ENTPD3: variants seen among roughly 807,000 people sequenced by gnomAD.
ENTPD3 encodes CD39 antigen-like 3.
A neutral mutation model predicts 51.2 loss-of-function variants in ENTPD3; 60 were observed. That is an observed-to-expected ratio of 1.17 (90% confidence interval 0.95 to 1.45). The LOEUF (loss-of-function observed/expected upper bound fraction) is 1.45, where lower values mean the gene tolerates loss of function less well. ENTPD3 is among the 40% of genes most tolerant of loss of function. The pLI is 0.00. For missense variants in ENTPD3, 593 were observed against 641.1 expected, an observed-to-expected ratio of 0.93 and a Z score of 0.81; for synonymous variants, 221 against 238.4, an observed-to-expected ratio of 0.93 and a Z score of 0.67.
rs766190766 is a variant in ENTPD3, at chr3:40,423,876, C to A, written c.1266C>A (p.Cys422Ter). Residue 422 changes from cysteine (C) to a stop codon, truncating the protein, a stop_gained, in exon 10 of 11, where the codon TGC becomes TGA. Coordinates refer to ENST00000301825, the MANE Select transcript of ENTPD3 (RefSeq NM_001248.4). LOFTEE classifies it high-confidence loss of function. ...KFDEVYARSYCFSANYIYHLF... is the reference protein window; with the variant it reads ...KFDEVYARSY ...ATGAGGTATATGCCCGCTCTTACTG[C>A]TTCTCAGCCAACTACATCTACCACT... The A allele has an allele frequency of 6.2e-7, 1 of 1,614,154 alleles. No individual in the cohort carries two copies. Among genetic ancestry groups the A allele is most frequent in the Non-Finnish European group, 8.5e-7 (1 of 1,180,008 alleles).
intron 10 of ENTPD3, among the ~76,000 whole-genome samples, chr3:40,425,915 T>C (rs1268414924): frequency 6.9e-6 from 1 of 144,484 alleles, no homozygotes; most frequent in Admixed American, 6.9e-5. Context: ...AAAAAAAAAT[T>C]ATATTAAAAA....
intron 5 of ENTPD3, among the ~76,000 whole-genome samples, chr3:40,413,579 AACTG>A (rs1305069141): frequency 1.3e-5 from 2 of 152,206 alleles, no homozygotes; most frequent in Non-Finnish European, 2.9e-5. Context: ...GCTCTTAAGA[AACTG>A]ACTTTTTCTT....
At chr3:40,401,385 T>C (rs1955352718) in intron 4 of ENTPD3, among the ~76,000 whole-genome samples, 2 of 152,208 alleles carry the variant, frequency 1.3e-5, no homozygotes, top group African/African-American at 4.8e-5. Flanking sequence ...CATTTTCTTA[T>C]ACTGGTTCTG....
intron 4 of ENTPD3, among the ~76,000 whole-genome samples, chr3:40,411,015 G>T (rs921149929): frequency 6.6e-6 from 1 of 152,250 alleles, no homozygotes; most frequent in South Asian, 2.1e-4. Context: ...TTTTGGCAAG[G>T]CATGGTGGCT....
intron 4 of ENTPD3, among the ~76,000 whole-genome samples, chr3:40,405,599 C>A (rs1328463019): frequency 6.6e-6 from 1 of 152,118 alleles, no homozygotes; most frequent in African/African-American, 2.4e-5. Flanking sequence ...TTTGTGCCGT[C>A]TGTTTAACCC....
chr3:40,397,193 C>T (rs1191192355), intron 3 of ENTPD3, among the ~76,000 whole-genome samples: 2 of 148,282 alleles, frequency 1.3e-5, no homozygotes, highest in African/African-American at 2.5e-5. Flanking sequence ...GCCAGATCTG[C>T]ACACCCCTTA....
intron 10 of ENTPD3, among the ~76,000 whole-genome samples, chr3:40,426,747 G>T (rs1186693686): frequency 2.0e-5 from 3 of 152,208 alleles, no homozygotes; most frequent in African/African-American, 7.2e-5. Flanking sequence ...TCTAGACACA[G>T]AGGGTTACAA....
At chr3:40,403,458 T>A (rs1295440609) in intron 4 of ENTPD3, among the ~76,000 whole-genome samples, 3 of 152,208 alleles carry the variant, frequency 2.0e-5, no homozygotes, top group Non-Finnish European at 2.9e-5. Context: ...GTGGCTTGGC[T>A]GTAATACCCC....
At position 40,398,523 on chromosome 3, in the gene ENTPD3, C is replaced by A. The variant is rs188130526; in HGVS notation, c.169-2371C>A. Among the ~76,000 whole-genome samples the A allele has an allele frequency of 2.6e-5, 4 of 152,242 alleles. No homozygotes were observed. The East Asian group carries it at 5.8e-4, about 22-fold the overall frequency. On this transcript the variant is annotated intron_variant, in intron 3 of 10. Coordinates refer to ENST00000301825, the MANE Select transcript of ENTPD3 (RefSeq NM_001248.4). ...TCAGTTTCAACCTGTACTTTAATCT[C>A]CCTGTGAGTCGCTGCCTGTGACAGA...
chr3:40,420,517 G>C (rs534687270), intron 7 of ENTPD3, among the ~76,000 whole-genome samples: 3 of 151,990 alleles, frequency 2.0e-5, no homozygotes, highest in Non-Finnish European at 4.4e-5. Context: ...GGAATTACAC[G>C]TGTGAGCCAC....
chr3:40,402,214 G>A (rs1017234034), intron 4 of ENTPD3, among the ~76,000 whole-genome samples: 2 of 138,394 alleles, frequency 1.4e-5, no homozygotes, highest in African/African-American at 2.6e-5. Flanking sequence ...TGCCTCCTGG[G>A]TTCAAGCGAT....
chr3:40,394,146 G>C (rs553158840), intron 3 of ENTPD3, among the ~76,000 whole-genome samples: 1 of 150,880 alleles, frequency 6.6e-6, no homozygotes, highest in African/African-American at 2.4e-5. Flanking sequence ...ACGGAGTCGT[G>C]CTCCGTCACC....
chr3:40,404,803 CCT>C (rs1482043093), intron 4 of ENTPD3, among the ~76,000 whole-genome samples: 1 of 152,188 alleles, frequency 6.6e-6, no homozygotes, highest in Non-Finnish European at 1.5e-5. Context: ...CCAGGACTCC[CCT>C]GTCTTGGCCA....
intron 3 of ENTPD3, 122 bp downstream of exon 3, chr3:40,392,272 AG>A: frequency 8.3e-7 from 1 of 1,203,966 alleles, no homozygotes; most frequent in Non-Finnish European, 1.2e-6. Context: ...GGCTGAAGCC[AG>A]GAGAAGTTAG....
At chr3:40,403,610 G>A (rs141285075) in intron 4 of ENTPD3, among the ~76,000 whole-genome samples, 256 of 151,888 alleles carry the variant, frequency 1.7e-3, no homozygotes, top group African/African-American at 3.4e-3. Flanking sequence ...TGCACGGCAC[G>A]GTTTTGGATT....
rs759197738 is a variant in ENTPD3 at position 40,428,261 on chromosome 3, C to T, written c.*753C>T. 6.6e-6 allele frequency: 1 copy of T among 152,192 alleles called. No homozygotes were observed. Among genetic ancestry groups the T allele is most frequent in the Non-Finnish European group, 1.5e-5 (1 of 68,054 alleles). The allele number at this position is 152,192 out of a possible 1,614,324, so 9.4% of individuals were successfully genotyped here. On this transcript the variant is annotated 3_prime_UTR_variant, in exon 11 of 11. Coordinates refer to ENST00000301825, the MANE Select transcript of ENTPD3 (RefSeq NM_001248.4). Reference sequence around the variant, plus strand: ...ACATTGATCCCTAGCAAGATTATTGCATTCCAGATTTTACTGCCTTTGCTA... The same window carrying T: ...ACATTGATCCCTAGCAAGATTATTGTATTCCAGATTTTACTGCCTTTGCTA...
In ENTPD3 at chr3:40,388,048, A is replaced by G; in HGVS notation, c.-10A>G. 1 of 1,613,720 alleles carries G rather than the reference A, an allele frequency of 6.2e-7. No individual in the cohort carries two copies. Among genetic ancestry groups the G allele is most frequent in the Non-Finnish European group, 8.5e-7 (1 of 1,179,678 alleles). ...ATCCTGTATTCTCTCACCTGCAGCT[A>G]GGAGAAAAGATGTTCACTGTGCTGA... On this transcript the variant is annotated splice_region_variant and 5_prime_UTR_variant, in exon 2 of 11. Coordinates refer to ENST00000301825, the MANE Select transcript of ENTPD3 (RefSeq NM_001248.4).
At chr3:40,388,163 C>T (rs1480645233) in intron 2 of ENTPD3, 66 bp downstream of exon 2, 5 of 1,473,610 alleles carry the variant, frequency 3.4e-6, no homozygotes, top group Non-Finnish European at 4.8e-6. Context: ...CAGCTTCGGC[C>T]TACAGTTTTT....
At chr3:40,407,552 G>A (rs140044481) in intron 4 of ENTPD3, among the ~76,000 whole-genome samples, 3 of 152,136 alleles carry the variant, frequency 2.0e-5, no homozygotes, top group African/African-American at 4.8e-5. Flanking sequence ...TGTCAGATAG[G>A]CAAGTCGGGA....
Sources: gnomAD v4.1 joint callset for allele counts (sites outside exome capture counted in the v4.1 genomes callset) on GRCh38, gnomAD v4.1.1 for gene constraint, MANE v1.5 for transcripts, NCBI Gene and HGNC (gene_info 2026-07-23, HGNC 2026-07-21) for gene names.